Variants in BTD observed in about 807,000 individuals in gnomAD.
BTD encodes biocytinase.
In BTD, 13 loss-of-function variants were observed where a neutral mutation model predicts 17.7. That is an observed-to-expected ratio of 0.74 (90% CI 0.48 to 1.17). The LOEUF (loss-of-function observed/expected upper bound fraction) is 1.17. Ranked by LOEUF, BTD falls within the 50% of genes most tolerant of loss-of-function variation. BTD has a pLI of 0.00. For synonymous variants in BTD, 240 were observed against 245.2 expected, an observed-to-expected ratio of 0.98 and a Z score of 0.20; for missense variants, 674 against 650.4, an observed-to-expected ratio of 1.04 and a Z score of -0.39.
intron 3 of BTD, among the ~76,000 whole-genome samples, chr3:15,702,708 A>G (rs1478496972): frequency 6.6e-6 from 1 of 152,114 alleles, no homozygotes; most frequent in Non-Finnish European, 1.5e-5. Flanking sequence ...GGCTAGTCAG[A>G]GCCCTGGGTA....
intron 3 of BTD, among the ~76,000 whole-genome samples, chr3:15,689,653 GTTTCAAACACTAGTTAATAAATCTAT>G (rs767891526): frequency 2.0e-5 from 3 of 152,198 alleles, no homozygotes; most frequent in Non-Finnish European, 4.4e-5. Flanking sequence ...CACAAAGTTA[GTTTCAAACACTAGTTAATAAATCTAT>G]TTTTATTTCC....
intron 1 of BTD, among the ~76,000 whole-genome samples, chr3:15,602,531 G>T (rs1158639185): frequency 6.6e-6 from 1 of 152,144 alleles, no homozygotes; most frequent in Non-Finnish European, 1.5e-5. Flanking sequence ...TAGACCCTCT[G>T]CTCAGTGACA....
downstream of BTD, among the ~76,000 whole-genome samples, chr3:15,715,877 A>G (rs1043237821): frequency 2.6e-5 from 4 of 151,372 alleles, no homozygotes; most frequent in Admixed American, 6.6e-5. Flanking sequence ...GTTCAACCAG[A>G]AAAAAAAAGG....
intron 3 of BTD, chr3:15,678,470 G>T: frequency 1.1e-6 from 1 of 918,286 alleles, no homozygotes; most frequent in Non-Finnish European, 1.5e-6. Context: ...GGCTACAAAA[G>T]CACTGCCTGT....
chr3:15,635,466 T>C lies in BTD; in HGVS notation c.27T>C (p.Ala9=), dbSNP rs2065320321. 6.2e-7 allele frequency: 1 copy of C among 1,614,238 alleles called. No individual in the cohort carries two copies. The highest frequency in any genetic ancestry group is 8.5e-7 in the Non-Finnish European group (1 of 1,180,046). ...TGTCTGGAGCCAGAAGTAAGCTTGCTCTTTTCCTCTGCGGCTGTTACGTGG... is the reference window on the plus strand; with the variant it reads ...TGTCTGGAGCCAGAAGTAAGCTTGCCCTTTTCCTCTGCGGCTGTTACGTGG... MSGARSKL[A]LFLCGCYVVA... is the part of the protein sequence containing the mutation. The change falls in exon 2 of 4, where the codon GCT becomes GCC. Residue 9 remains alanine (A), a synonymous_variant. Coordinates refer to ENST00000643237, the MANE Select transcript of BTD (RefSeq NM_001370658.1). The surrounding 1 kb of genome is among the most constrained non-coding windows in gnomAD (Gnocchi z 4.1).
chr3:15,711,384 A>C, exon 4 of BTD: 3 of 857,238 alleles, frequency 3.5e-6, no homozygotes, highest in African/African-American at 1.7e-5. Context: ...AAACAAAACT[A>C]TGGGTTCTTA....
At chr3:15,720,982 G>C (rs369055825) in intron 4 of BTD, 1 of 1,613,754 alleles carries the variant, frequency 6.2e-7, no homozygotes, top group Non-Finnish European at 8.5e-7. Flanking sequence ...TGTTGATGCA[G>C]CAGCAAAGTG....
At chr3:15,643,613 G>C (rs1575027462) in intron 3 of BTD, among the ~76,000 whole-genome samples, 1 of 152,164 alleles carries the variant, frequency 6.6e-6, no homozygotes, top group South Asian at 2.1e-4. Context: ...ATGAGATTGA[G>C]CATCTTTTGA....
chr3:15,711,657 GTCTT>G (rs2072295270), exon 4 of BTD, among the ~76,000 whole-genome samples: 1 of 151,934 alleles, frequency 6.6e-6, no homozygotes, highest in South Asian at 2.1e-4. Context: ...ACTGCTAATG[GTCTT>G]TCTTTAACAG....
rs757071809 is a variant in BTD, at chr3:15,644,516, A to G, written c.600A>G (p.Ala200=). 6 of 1,614,074 alleles carry G rather than the reference A, an allele frequency of 3.7e-6. No homozygotes were observed. The Admixed American group carries it at 6.7e-5, about 18-fold the overall frequency. Residue 200 remains alanine, a synonymous_variant, in exon 4 of 4, where the codon GCA becomes GCG. Transcript: ENST00000643237. Reference sequence around the variant, plus strand: ...AACACAACCTCTACTTTGAGGCAGCATTCGATGTTCCTCTTAAAGTGGATC... The same window carrying G: ...AACACAACCTCTACTTTGAGGCAGCGTTCGATGTTCCTCTTAAAGTGGATC... ...YRKHNLYFEA[A]FDVPLKVDLI...
rs1384398051 is a variant in BTD at position 15,648,451 on chromosome 3, G to T, written c.*2963G>T. 6.6e-6 allele frequency among the ~76,000 whole-genome samples: 1 copy of T among 152,142 alleles called. No individual in the cohort carries two copies. The highest frequency in any genetic ancestry group is 1.5e-5 in the Non-Finnish European group (1 of 68,036). On this transcript the variant is annotated 3_prime_UTR_variant, in exon 4 of 4. Coordinates refer to ENST00000643237, the MANE Select transcript of BTD (RefSeq NM_001370658.1). ...TTCCCTAACCTCCCTTTGAATGTTA[G>T]TTACCTATTCCCACATAACAAAGTG...
At position 15,601,821 on chromosome 3, in the gene BTD, C is replaced by A; in HGVS notation, c.-90C>A. The A allele has an allele frequency of 6.2e-7, 1 of 1,614,166 alleles. No homozygotes were observed. Among genetic ancestry groups the A allele is most frequent in the Non-Finnish European group, 8.5e-7 (1 of 1,180,030 alleles). On this transcript the variant is annotated 5_prime_UTR_variant, in exon 1 of 4. The change creates a new upstream start codon in the 5' untranslated region. Transcript: ENST00000643237. ...TCGCCATTGTCTCCGAGTCGGCCAG[C>A]TGGAGCGTTTTCGGGGCTGTAAAGG...
chr3:15,690,280 C>T (rs1415686719), intron 3 of BTD: 3 of 1,339,126 alleles, frequency 2.2e-6, no homozygotes, highest in African/African-American at 2.9e-5. Context: ...TTCCTAAATA[C>T]TTGAATAAAT....
intron 1 of BTD, among the ~76,000 whole-genome samples, chr3:15,616,762 C>T (rs1462982424): frequency 6.6e-6 from 1 of 152,152 alleles, no homozygotes; most frequent in Non-Finnish European, 1.5e-5. Flanking sequence ...TGCTGAACAT[C>T]TTTTCATAAG....
chr3:15,708,023 C>A (rs766347952), intron 3 of BTD: 6 of 1,610,306 alleles, frequency 3.7e-6, no homozygotes, highest in Non-Finnish European at 3.4e-6. Flanking sequence ...AGCAAACAGG[C>A]ACTGGTAATT....
At chr3:15,692,366 C>T (rs963800608) in intron 3 of BTD, among the ~76,000 whole-genome samples, 1 of 152,130 alleles carries the variant, frequency 6.6e-6, no homozygotes, top group African/African-American at 2.4e-5. Context: ...GGGAGGCTCA[C>T]TGGAGCTCAG....
At chr3:15,603,198 C>T (rs964445765) in intron 1 of BTD, among the ~76,000 whole-genome samples, 4 of 152,160 alleles carry the variant, frequency 2.6e-5, no homozygotes, top group Non-Finnish European at 4.4e-5. Flanking sequence ...ACTGTTCTGC[C>T]CCTGGCCCCT....
chr3:15,718,558 T>TA (rs1488759713), intron 4 of BTD, among the ~76,000 whole-genome samples: 1 of 152,116 alleles, frequency 6.6e-6, no homozygotes, highest in East Asian at 1.9e-4. Flanking sequence ...TATAGTCACC[T>TA]AAGTAGACAC....
At chr3:15,633,618 C>T (rs1007880892) in intron 1 of BTD, among the ~76,000 whole-genome samples, 1 of 152,202 alleles carries the variant, frequency 6.6e-6, no homozygotes, top group Non-Finnish European at 1.5e-5. Flanking sequence ...AATGTGAATG[C>T]CACTCTTGGC....
Sources: gnomAD v4.1 joint callset for allele counts (sites outside exome capture counted in the v4.1 genomes callset) on GRCh38, gnomAD v4.1.1 for gene constraint, Gnocchi (gnomAD v3.1) non-coding constraint, MANE v1.5 for transcripts, NCBI Gene and HGNC (gene_info 2026-07-23, HGNC 2026-07-21) for gene names.